Variants in RC3H2 observed in about 807,000 individuals in gnomAD.
RC3H2 encodes ring finger and CCCH-type domains 2.
Under a neutral mutation model 133.3 loss-of-function variants are expected in RC3H2, and 31 were observed. The observed-to-expected ratio is 0.23, with a 90% CI of 0.17 to 0.31. RC3H2 has a LOEUF of 0.31. Ranked by LOEUF, RC3H2 falls within the 10% of genes least tolerant of loss-of-function variation. RC3H2 has a pLI of 1.00. For missense variants in RC3H2, 1,175 were observed against 1,437.2 expected (o/e 0.82, Z 2.95); for synonymous variants, 517 against 502.2 (o/e 1.03, Z -0.40).
At chr9:122,886,984 G>A (rs1005416423) in intron 4 of RC3H2, among the ~76,000 whole-genome samples, 1 of 152,170 alleles carries the variant, frequency 6.6e-6, no homozygotes, top group Non-Finnish European at 1.5e-5. Context: ...TATAAAAGTA[G>A]ATTTTTAAAA....
intron 5 of RC3H2, 90 bp downstream of exon 5, chr9:122,883,114 T>C (rs1310725320): frequency 5.8e-6 from 7 of 1,210,782 alleles, no homozygotes; most frequent in Non-Finnish European, 8.2e-6. Flanking sequence ...GCATTCTGCA[T>C]TGCTAGGGCC....
At chr9:122,881,706 C>G (rs897189249) in intron 5 of RC3H2, among the ~76,000 whole-genome samples, 1 of 152,092 alleles carries the variant, frequency 6.6e-6, no homozygotes, top group Admixed American at 6.6e-5. Context: ...GTCACCCAGG[C>G]TGGAGTGCAG....
chr9:122,871,921 A>T (rs1831120315), intron 9 of RC3H2, among the ~76,000 whole-genome samples: 1 of 151,954 alleles, frequency 6.6e-6, no homozygotes, highest in Non-Finnish European at 1.5e-5. Context: ...CCCAGGCAGG[A>T]GTGAGTCACC....
intron 9 of RC3H2, among the ~76,000 whole-genome samples, chr9:122,870,198 A>G (rs1157352480): frequency 6.6e-6 from 1 of 151,898 alleles, no homozygotes; most frequent in African/African-American, 2.4e-5. Flanking sequence ...AACATGGTGA[A>G]ACCCCGTCTC....
At chr9:122,866,353 G>GTCTCCC (rs1474820506) in intron 9 of RC3H2, among the ~76,000 whole-genome samples, 9 of 94,572 alleles carry the variant, frequency 9.5e-5, no homozygotes, top group Non-Finnish European at 1.5e-4. Flanking sequence ...TTAAGAAAAT[G>GTCTCCC]TCTCCCTCTC....
At position 122,860,085 on chromosome 9, in the gene RC3H2, T is replaced by C. The variant is rs751044112; in HGVS notation, c.1681A>G (p.Thr561Ala). The C allele has an allele frequency of 1.9e-6, 3 of 1,614,102 alleles. No individual in the cohort carries two copies. Among genetic ancestry groups the C allele is most frequent in the Non-Finnish European group, 2.5e-6 (3 of 1,180,008 alleles). Residue 561 changes from threonine to alanine, a missense_variant, in exon 11 of 21, where the codon ACC becomes GCC. Physicochemically the swap from Thr to Ala is moderately conservative, Grantham distance 58. Around this residue, in one of 8 missense-constraint regions of RC3H2, gnomAD observed 490 missense variants for 492.8 expected, o/e 0.99. Coordinates refer to ENST00000357244, the MANE Select transcript of RC3H2 (RefSeq NM_001100588.3). ...PKTPVSNVAATSAGPSNVGTE... is the reference protein window; with the variant it reads ...PKTPVSNVAAASAGPSNVGTE... Reference sequence around the variant, plus strand: ...CCAACATTAGAGGGCCCAGCTGAGGTAGCTGCTACATTACTTACAGGAGTC... The same window carrying C: ...CCAACATTAGAGGGCCCAGCTGAGGCAGCTGCTACATTACTTACAGGAGTC...
intron 9 of RC3H2, among the ~76,000 whole-genome samples, chr9:122,869,950 C>T (rs753965342): frequency 5.9e-5 from 9 of 152,182 alleles, no homozygotes; most frequent in African/African-American, 9.7e-5. Flanking sequence ...TTCAGGAAGA[C>T]AATCTGGTTG....
chr9:122,902,539 G>C (rs1832696139), intron 1 of RC3H2, among the ~76,000 whole-genome samples: 1 of 152,068 alleles, frequency 6.6e-6, no homozygotes, highest in African/African-American at 2.4e-5. Context: ...TTTTCTGGTA[G>C]TCACATTAAA....
intron 4 of RC3H2, among the ~76,000 whole-genome samples, chr9:122,886,226 T>C (rs987498778): frequency 6.6e-6 from 1 of 152,068 alleles, no homozygotes; most frequent in African/African-American, 2.4e-5. Flanking sequence ...ACATGCAGCA[T>C]GTATCAGTAT....
intron 9 of RC3H2, among the ~76,000 whole-genome samples, chr9:122,869,075 T>G (rs1830932793): frequency 6.6e-6 from 1 of 151,840 alleles, no homozygotes; most frequent in African/African-American, 2.4e-5. Context: ...CTGGTTAACT[T>G]TTGTATTTTT....
rs1829952964 is a variant in RC3H2 at position 122,849,804 on chromosome 9, AATTG to A, written c.3395_3398del (p.Thr1132IlefsTer4). ...GGCTAAAGCAAGAAGTTACCGGCAG[AATTG>A]TTTTTTGCTCCTCCCTGAGAAAAAA... is the stretch of plus-strand genomic sequence containing the variant. On this transcript the variant is annotated frameshift_variant, in exon 21 of 21. Transcript: ENST00000357244. LOFTEE classifies it high-confidence loss of function. The A allele has an allele frequency of 6.4e-7, 1 of 1,566,920 alleles. No individual in the cohort carries two copies. The highest frequency in any genetic ancestry group is 1.2e-5 in the South Asian group (1 of 83,704).
chr9:122,895,388 G>T (rs530639247), intron 2 of RC3H2, among the ~76,000 whole-genome samples: 8 of 134,196 alleles, frequency 6.0e-5, no homozygotes, highest in African/African-American at 2.0e-4. Flanking sequence ...GGCTAGTCTC[G>T]AACTCCTGGC....
At position 122,849,036 on chromosome 9, in the gene RC3H2, T is replaced by A. The variant is rs979493462; in HGVS notation, c.*591A>T. On this transcript the variant is annotated 3_prime_UTR_variant, in exon 21 of 21. Coordinates refer to ENST00000357244, the MANE Select transcript of RC3H2 (RefSeq NM_001100588.3). ...AAGCACTGCACCACACTCCTACATA[T>A]AATGCAGTAAAGAATGCTAGTATAT... is the stretch of plus-strand genomic sequence containing the variant. The A allele has an allele frequency of 1.3e-5, 2 of 152,018 alleles. No homozygotes were observed. Among genetic ancestry groups the A allele is most frequent in the African/African-American group, 4.8e-5 (2 of 41,388 alleles). 9.4% of individuals were successfully genotyped at this position (152,018 alleles called of 1,614,324 possible). A position where few individuals can be genotyped will look rare whatever the true frequency, so the allele number is the denominator to read the frequency against.
intron 4 of RC3H2, among the ~76,000 whole-genome samples, chr9:122,884,829 G>A (rs1831832351): frequency 6.6e-6 from 1 of 150,782 alleles, no homozygotes; most frequent in Admixed American, 6.6e-5. Context: ...CTCCAGCCTG[G>A]CGACATAGCG....
At chr9:122,890,593 A>C (rs1251937637) in intron 3 of RC3H2, 48 bp from the exon 4 acceptor site, 2 of 1,441,406 alleles carry the variant, frequency 1.4e-6, no homozygotes, top group African/African-American at 2.8e-5. Flanking sequence ...TCAATAAAAA[A>C]TAAAAGTCAA....
In RC3H2 at chr9:122,847,049, G is replaced by A. The variant is rs1353509451; in HGVS notation, c.*2578C>T. 6.6e-6 allele frequency: 1 copy of A among 152,000 alleles called. No homozygotes were observed. Among genetic ancestry groups the A allele is most frequent in the Non-Finnish European group, 1.5e-5 (1 of 67,960 alleles). 9.4% of individuals were successfully genotyped at this position (152,000 alleles called of 1,614,324 possible). ...AAAGAGAGTAAGTTTTTAAGAACAG[G>A]GAGTTATTGTTTTATGGGATCACCT... On this transcript the variant is annotated 3_prime_UTR_variant, in exon 21 of 21. Coordinates refer to ENST00000357244, the MANE Select transcript of RC3H2 (RefSeq NM_001100588.3).
intron 1 of RC3H2, among the ~76,000 whole-genome samples, chr9:122,904,777 C>G (rs1222313750): frequency 6.6e-6 from 1 of 152,182 alleles, no homozygotes; most frequent in African/African-American, 2.4e-5. Flanking sequence ...TCTTCCAAAC[C>G]CCCTTACTAA....
intron 3 of RC3H2, among the ~76,000 whole-genome samples, chr9:122,890,840 T>TACC (rs1832134002): frequency 6.6e-6 from 1 of 152,142 alleles, no homozygotes; most frequent in Non-Finnish European, 1.5e-5. Context: ...TACTCCTATG[T>TACC]ACCTATGTAA....
chr9:122,854,108 G>T (rs557317616), intron 17 of RC3H2, 22 bp from the exon 18 acceptor site: 1 of 1,612,082 alleles, frequency 6.2e-7, no homozygotes, highest in African/African-American at 1.3e-5. Flanking sequence ...GGGAAAAAAA[G>T]AAAAGTTAGC....
Sources: allele counts gnomAD v4.1 joint callset (sites outside exome capture counted in the v4.1 genomes callset), GRCh38; gene constraint gnomAD v4.1.1; regional missense constraint gnomAD v4.1.1; transcripts MANE v1.5; gene names NCBI Gene and HGNC (gene_info 2026-07-23, HGNC 2026-07-21).